Variants in FSTL5 observed in about 807,000 individuals in gnomAD.
FSTL5 encodes follistatin-related protein 5.
In FSTL5, 62 loss-of-function variants were observed where a neutral mutation model predicts 89.1. The ratio of observed to expected loss-of-function variants is 0.70; its 90% CI spans 0.57 to 0.86. FSTL5 has a LOEUF of 0.86. FSTL5 is among the 40% of genes least tolerant of loss of function. The pLI, the probability that FSTL5 is intolerant of heterozygous loss-of-function variation, is 0.00. For synonymous variants in FSTL5, 383 were observed against 346.2 expected, an observed-to-expected ratio of 1.11 and a Z score of -1.18; for missense variants, 1,057 against 1,001.6, an observed-to-expected ratio of 1.06 and a Z score of -0.75.
At chr4:161,678,072 G>T (rs191691705) in intron 6 of FSTL5, among the ~76,000 whole-genome samples, 154 of 151,820 alleles carry the variant, frequency 1.0e-3, no homozygotes, top group African/African-American at 3.4e-3. Flanking sequence ...CTTTTCATAA[G>T]CAGGTTGGTA....
intron 4 of FSTL5, among the ~76,000 whole-genome samples, chr4:161,882,790 G>A (rs577101908): frequency 2.0e-5 from 3 of 151,890 alleles, no homozygotes; most frequent in South Asian, 4.2e-4. Context: ...TACAGAACTC[G>A]AGTTGTCTTT....
chr4:161,914,466 G>T (rs1733785169), intron 4 of FSTL5, among the ~76,000 whole-genome samples: 2 of 151,950 alleles, frequency 1.3e-5, no homozygotes, highest in Admixed American at 1.3e-4. Context: ...ATGTAGTGGG[G>T]TAGTAAAATA....
chr4:162,037,902 A>G (rs1234664102), intron 2 of FSTL5, among the ~76,000 whole-genome samples: 1 of 151,962 alleles, frequency 6.6e-6, no homozygotes, highest in Non-Finnish European at 1.5e-5. Context: ...ATGGCAATAC[A>G]GATTTGCCAC....
chr4:161,646,557 T>C (rs748683980), intron 7 of FSTL5, among the ~76,000 whole-genome samples: 19 of 152,124 alleles, frequency 1.2e-4, no homozygotes, highest in Non-Finnish European at 2.5e-4. Context: ...TATGTTTTGA[T>C]ATATTTTCTC....
chr4:161,724,120 A>C (rs2126754640), intron 6 of FSTL5, among the ~76,000 whole-genome samples: 1 of 152,280 alleles, frequency 6.6e-6, no homozygotes, highest in African/African-American at 2.4e-5. Context: ...GCACACAAAT[A>C]GATTTGATAA....
chr4:161,455,097 T>C lies in FSTL5; in HGVS notation c.1748A>G (p.His583Arg). Reference protein sequence around the residue: ...VITLASGNVPHHTIHTQPVGK... With the variant: ...VITLASGNVPRHTIHTQPVGK... ...CACTGGTTGGGTGTGGATCGTGTGG[T>C]GAGGCACATTCCCACTGGCCAGGGT... The change falls in exon 15 of 16, where the codon CAC becomes CGC. Residue 583 changes from histidine to arginine, a missense_variant. His to Arg is a conservative substitution (Grantham distance 29). Coordinates refer to ENST00000306100, the MANE Select transcript of FSTL5 (RefSeq NM_020116.5). 1 of 1,610,858 alleles carries C rather than the reference T, an allele frequency of 6.2e-7. No individual in the cohort carries two copies. Among genetic ancestry groups the C allele is most frequent in the African/African-American group, 1.3e-5 (1 of 74,430 alleles).
In FSTL5 at chr4:161,476,182, T is replaced by TTTG. The variant is rs1430166097; in HGVS notation, c.1608+4837_1608+4838insCAA. Among the ~76,000 whole-genome samples the TTTG allele has an allele frequency of 2.5e-4, 26 of 103,794 alleles. No individual in the cohort carries two copies. The South Asian group carries it at 7.4e-3, about 30-fold the overall frequency. 68.1% of individuals were successfully genotyped at this position (103,794 alleles called of 152,430 possible). On this transcript the variant is annotated intron_variant, in intron 13 of 15. Transcript: ENST00000306100. ...TTCTTCAAGTTTGCTGGTTTTTTTTTTTTTTTGTTTGTTTGTTTTTTTGAG... is the reference window on the plus strand; with the variant it reads ...TTCTTCAAGTTTGCTGGTTTTTTTTTTTGTTTTTTGTTTGTTTGTTTTTTTGAG...
chr4:161,461,789 T>C (rs1298462729), intron 13 of FSTL5, among the ~76,000 whole-genome samples: 2 of 152,302 alleles, frequency 1.3e-5, no homozygotes, highest in Non-Finnish European at 2.9e-5. Context: ...ATTCCTTTGA[T>C]TTTTCATATT....
At chr4:161,644,525 T>A (rs1736076865) in intron 7 of FSTL5, among the ~76,000 whole-genome samples, 1 of 96,462 alleles carries the variant, frequency 1.0e-5, no homozygotes, top group Admixed American at 1.0e-4. Flanking sequence ...AAACTCTGTC[T>A]CAAAAAAAAA....
At chr4:161,440,607 T>G (rs933497459) in intron 15 of FSTL5, among the ~76,000 whole-genome samples, 6 of 152,142 alleles carry the variant, frequency 3.9e-5, no homozygotes, top group Non-Finnish European at 8.8e-5. Flanking sequence ...AATGAACACC[T>G]ACTATGATTC....
At chr4:161,606,628 A>G (rs1232074797) in intron 7 of FSTL5, among the ~76,000 whole-genome samples, 1 of 152,184 alleles carries the variant, frequency 6.6e-6, no homozygotes, top group African/African-American at 2.4e-5. Context: ...ACCTTTTAAA[A>G]GTTAATTTTG....
chr4:161,459,856 A>AGAGTTTGAAT (rs1418907551), intron 13 of FSTL5, among the ~76,000 whole-genome samples: 1 of 152,034 alleles, frequency 6.6e-6, no homozygotes, highest in Non-Finnish European at 1.5e-5. Context: ...AGTTTCCTTA[A>AGAGTTTGAAT]TGAGAAATTC....
chr4:161,500,384 G>C (rs1452677417), intron 11 of FSTL5, among the ~76,000 whole-genome samples: 1 of 152,034 alleles, frequency 6.6e-6, no homozygotes, highest in African/African-American at 2.4e-5. Flanking sequence ...ATGTTTCATA[G>C]TTTAAAACAG....
chr4:161,681,156 T>G (rs1248081241), intron 6 of FSTL5, among the ~76,000 whole-genome samples: 2 of 152,042 alleles, frequency 1.3e-5, no homozygotes, highest in Non-Finnish European at 2.9e-5. Flanking sequence ...GAATGTGTGA[T>G]TTGAATATAA....
chr4:162,139,263 C>T (rs114241161), intron 1 of FSTL5, among the ~76,000 whole-genome samples: 92 of 152,072 alleles, frequency 6.0e-4, no homozygotes, highest in African/African-American at 2.1e-3. Flanking sequence ...TTGGAGTCCC[C>T]AGTATCTATT....
At chr4:161,908,340 A>G (rs767068409) in intron 4 of FSTL5, among the ~76,000 whole-genome samples, 2 of 152,100 alleles carry the variant, frequency 1.3e-5, no homozygotes, top group Non-Finnish European at 2.9e-5. Context: ...TGTCCATGAC[A>G]CACATACGAA....
chr4:161,784,082 C>T (rs191149028), intron 4 of FSTL5, among the ~76,000 whole-genome samples: 18 of 151,652 alleles, frequency 1.2e-4, no homozygotes, highest in African/African-American at 3.6e-4. Context: ...ATTACAGGCA[C>T]GTGCCACCAT....
At chr4:161,841,583 C>A (rs1368677146) in intron 4 of FSTL5, among the ~76,000 whole-genome samples, 1 of 152,036 alleles carries the variant, frequency 6.6e-6, no homozygotes, top group Non-Finnish European at 1.5e-5. Context: ...TTAAACAGAA[C>A]AGACAAAGCC....
chr4:161,492,628 G>T (rs1158271976), intron 12 of FSTL5, among the ~76,000 whole-genome samples: 2 of 151,974 alleles, frequency 1.3e-5, no homozygotes, highest in Non-Finnish European at 2.9e-5. Context: ...CCACTAATTT[G>T]CCAAACAACC....
Sources: allele counts gnomAD v4.1 joint callset (sites outside exome capture counted in the v4.1 genomes callset), GRCh38; gene constraint gnomAD v4.1.1; transcripts MANE v1.5; gene names NCBI Gene and HGNC (gene_info 2026-07-23, HGNC 2026-07-21).